DAZL: variants seen among roughly 807,000 people sequenced by gnomAD.
DAZL encodes the protein deleted in azoospermia like, also known as deleted in azoospermia-like.
In DAZL, 4 loss-of-function variants were observed where a neutral mutation model predicts 45.0. That is an observed-to-expected ratio of 0.09 (90% CI 0.04 to 0.20). The LOEUF (loss-of-function observed/expected upper bound fraction) is 0.20, where lower values mean the gene tolerates loss of function less well. DAZL is among the 10% of genes least tolerant of loss of function. DAZL has a pLI of 1.00. For synonymous variants in DAZL, 122 were observed against 112.4 expected, an observed-to-expected ratio of 1.09 and a Z score of -0.54; for missense variants, 326 against 351.3, an observed-to-expected ratio of 0.93 and a Z score of 0.58.
chr3:16,600,740 C>G (rs1694678054), intron 1 of DAZL, among the ~76,000 whole-genome samples: 1 of 152,050 alleles, frequency 6.6e-6, no homozygotes, highest in African/African-American at 2.4e-5. Context: ...ATATGTTTTT[C>G]TTTGATAAAC....
At chr3:16,604,299 T>C (rs1694739574) in intron 1 of DAZL, 3 of 724,970 alleles carry the variant, frequency 4.1e-6, no homozygotes, top group Admixed American at 2.7e-5. Flanking sequence ...GCTAGGCATT[T>C]ACCAAACTCA....
chr3:16,602,262 A>G (rs1694702242), intron 1 of DAZL, among the ~76,000 whole-genome samples: 1 of 152,230 alleles, frequency 6.6e-6, no homozygotes, highest in Admixed American at 6.5e-5. Context: ...CATAAACTCT[A>G]TAGAAATAAA....
At chr3:16,591,002 T>C (rs1694509760) in intron 10 of DAZL, among the ~76,000 whole-genome samples, 1 of 152,170 alleles carries the variant, frequency 6.6e-6, no homozygotes, top group African/African-American at 2.4e-5. Flanking sequence ...AATAGGTAAA[T>C]TGTATTACTG....
intron 10 of DAZL, 63 bp from the exon 11 acceptor site, chr3:16,588,776 G>T: frequency 7.6e-7 from 1 of 1,321,708 alleles, no homozygotes; most frequent in South Asian, 1.2e-5. Context: ...CTATAGATCT[G>T]AAAGTTGTCA....
intron 1 of DAZL, among the ~76,000 whole-genome samples, chr3:16,600,256 T>A (rs1007724017): frequency 2.6e-5 from 4 of 152,200 alleles, no homozygotes; most frequent in African/African-American, 4.8e-5. Context: ...AGTAATTTTA[T>A]AGGAATTAAT....
In DAZL at chr3:16,587,111, T is replaced by TGAA. The variant is rs1036852292; in HGVS notation, c.*1548_*1549insTTC. The TGAA allele has an allele frequency of 1.3e-5, 2 of 152,178 alleles. No individual in the cohort carries two copies. Among genetic ancestry groups the TGAA allele is most frequent in the Non-Finnish European group, 2.9e-5 (2 of 68,030 alleles). 9.4% of individuals were successfully genotyped at this position (152,178 alleles called of 1,614,324 possible). A position where few individuals can be genotyped will look rare whatever the true frequency, so the allele number is the denominator to read the frequency against. ...AAAAAAACTACAGATCATTTTTAAATGGACAAATTCATAGTGCTTTCAATT... is the reference window on the plus strand; with the variant it reads ...AAAAAAACTACAGATCATTTTTAAATGAAGGACAAATTCATAGTGCTTTCAATT... On this transcript the variant is annotated 3_prime_UTR_variant, in exon 11 of 11. Coordinates refer to ENST00000399444, the MANE Select transcript of DAZL (RefSeq NM_001351.4).
intron 7 of DAZL, among the ~76,000 whole-genome samples, chr3:16,594,879 A>G (rs1416067406): frequency 2.0e-5 from 3 of 152,122 alleles, no homozygotes; most frequent in African/African-American, 7.2e-5. Flanking sequence ...AGATACAGTC[A>G]TATCTATGTA....
chr3:16,599,978 GTTA>G (rs1694658407), intron 1 of DAZL, among the ~76,000 whole-genome samples: 1 of 152,028 alleles, frequency 6.6e-6, no homozygotes, highest in East Asian at 1.9e-4. Context: ...TTAGTGTCCT[GTTA>G]TTTGAATTTA....
At chr3:16,605,080 A>C in intron 1 of DAZL, 123 bp downstream of exon 1, 2 of 1,267,958 alleles carry the variant, frequency 1.6e-6, no homozygotes, top group Non-Finnish European at 2.3e-6. Flanking sequence ...TGGTGCGTCC[A>C]GGCAGGTGCC....
chr3:16,604,823 C>G, intron 1 of DAZL: 1 of 744,690 alleles, frequency 1.3e-6, no homozygotes, highest in Non-Finnish European at 2.0e-6. Context: ...AGTGGGGGAG[C>G]GCGTGGGAGT....
chr3:16,604,056 G>C (rs1694735624), intron 1 of DAZL, among the ~76,000 whole-genome samples: 2 of 152,134 alleles, frequency 1.3e-5, no homozygotes, highest in South Asian at 4.2e-4. Flanking sequence ...TACAACTCAA[G>C]GTGATTACTT....
intron 3 of DAZL, among the ~76,000 whole-genome samples, chr3:16,597,831 G>C (rs1694623561): frequency 6.6e-6 from 1 of 152,132 alleles, no homozygotes; most frequent in Non-Finnish European, 1.5e-5. Context: ...TAAAATTTAA[G>C]ATACTGTGCA....
chr3:16,599,134 A>G (rs1354995426), intron 1 of DAZL, among the ~76,000 whole-genome samples: 1 of 152,042 alleles, frequency 6.6e-6, no homozygotes, highest in Non-Finnish European at 1.5e-5. Flanking sequence ...AGTCTTGCAC[A>G]ATGCTGTGGA....
chr3:16,594,631 A>C (rs550972810), intron 7 of DAZL, 48 bp from the exon 8 acceptor site: 1 of 1,426,090 alleles, frequency 7.0e-7, no homozygotes, highest in African/African-American at 1.4e-5. Flanking sequence ...TATTCCTACA[A>C]ATTTTCAAAA....
intron 1 of DAZL, 126 bp downstream of exon 1, chr3:16,605,077 T>C: frequency 1.6e-6 from 2 of 1,242,210 alleles, no homozygotes; most frequent in Non-Finnish European, 2.4e-6. Context: ...CTGTGGTGCG[T>C]CCAGGCAGGT....
chr3:16,594,886 T>TG (rs1369438097), intron 7 of DAZL, among the ~76,000 whole-genome samples: 3 of 152,094 alleles, frequency 2.0e-5, no homozygotes, highest in African/African-American at 4.8e-5. Flanking sequence ...GTCATATCTA[T>TG]GTAAAGAGTC....
At chr3:16,601,537 T>C (rs1158219458) in intron 1 of DAZL, among the ~76,000 whole-genome samples, 1 of 150,926 alleles carries the variant, frequency 6.6e-6, no homozygotes, top group Admixed American at 6.6e-5. Flanking sequence ...TATACATAAT[T>C]ATAATGTATA....
At chr3:16,596,624 T>C in intron 6 of DAZL, 126 bp downstream of exon 6, 1 of 1,029,410 alleles carries the variant, frequency 9.7e-7, no homozygotes, top group Non-Finnish European at 1.5e-6. Context: ...AAGTAATAAA[T>C]TTCCCATCAC....
At chr3:16,592,945 C>T (rs1377598977) in intron 9 of DAZL, among the ~76,000 whole-genome samples, 3 of 152,124 alleles carry the variant, frequency 2.0e-5, no homozygotes, top group African/African-American at 4.8e-5. Context: ...TGGAAATTTG[C>T]TCTAATGATA....
Sources: gnomAD v4.1 joint callset for allele counts (sites outside exome capture counted in the v4.1 genomes callset) on GRCh38, gnomAD v4.1.1 for gene constraint, MANE v1.5 for transcripts, NCBI Gene and HGNC (gene_info 2026-07-23, HGNC 2026-07-21) for gene names.